CSMD3: variants seen among roughly 807,000 people sequenced by gnomAD.
CSMD3 encodes the protein CUB and sushi domain-containing protein 3.
In CSMD3, 177 loss-of-function variants were observed where a neutral mutation model predicts 435.2. That is an observed-to-expected ratio of 0.41 (90% CI 0.36 to 0.46). CSMD3 has a LOEUF of 0.46. Ranked by LOEUF, CSMD3 falls within the 20% of genes least tolerant of loss-of-function variation. CSMD3 has a pLI of 0.34. For synonymous variants in CSMD3, 1,656 were observed against 1,520.5 expected (o/e 1.09, Z -2.07); for missense variants, 4,265 against 4,504.6 (o/e 0.95, Z 1.52).
Position 112,947,774 on chromosome 8 carries a change from T to C in CSMD3, c.1508+16A>G, listed in dbSNP as rs764513156. 2.0e-6 allele frequency: 2 copies of C among 988,628 alleles called. No homozygotes were observed. Among genetic ancestry groups the C allele is most frequent in the South Asian group, 1.3e-5 (1 of 77,404 alleles). 61.2% of individuals were successfully genotyped at this position (988,628 alleles called of 1,614,324 possible). A position where few individuals can be genotyped will look rare whatever the true frequency, so the allele number is the denominator to read the frequency against. ...TTGACAAGATAAATAATGAAGTCAA[T>C]ATTTTAAAATATTACCTAAAATCTG... is the stretch of plus-strand genomic sequence containing the variant. On this transcript the variant is annotated intron_variant, in intron 9 of 70. Transcript: ENST00000297405.
chr8:113,060,976 A>G (rs181539051), intron 5 of CSMD3, among the ~76,000 whole-genome samples: 110 of 152,258 alleles, frequency 7.2e-4, no homozygotes, highest in Admixed American at 1.8e-3. Flanking sequence ...CTATACAATT[A>G]TCTTCTCAAT....
At chr8:112,411,741 T>A (rs956809280) in intron 32 of CSMD3, among the ~76,000 whole-genome samples, 3 of 152,076 alleles carry the variant, frequency 2.0e-5, no homozygotes, top group Non-Finnish European at 2.9e-5. Flanking sequence ...CCATTCTGTC[T>A]GTAAATGTCT....
chr8:112,817,543 T>G (rs1412947954), intron 12 of CSMD3, among the ~76,000 whole-genome samples: 3 of 152,108 alleles, frequency 2.0e-5, no homozygotes, highest in Non-Finnish European at 2.9e-5. Flanking sequence ...CATATTCTGA[T>G]CTCTATTGAC....
chr8:112,452,404 A>T (rs1816384152), intron 32 of CSMD3, among the ~76,000 whole-genome samples: 1 of 152,186 alleles, frequency 6.6e-6, no homozygotes, highest in South Asian at 2.1e-4. Flanking sequence ...TCTAGTTTAC[A>T]TTATTTCTGA....
At position 113,065,472 on chromosome 8, in the gene CSMD3, C is replaced by T. The variant is rs557977751; in HGVS notation, c.917+33284G>A. Among the ~76,000 whole-genome samples, 19 of 152,122 alleles carry T rather than the reference C, an allele frequency of 1.2e-4. No homozygotes were observed. In the South Asian group the frequency reaches 3.7e-3, roughly 30 times the overall value. On this transcript the variant is annotated intron_variant, in intron 5 of 70. Transcript: ENST00000297405. Reference sequence around the variant, plus strand: ...CGCGATCTCGGTTCACTGCCAGCTCCGCCTCCTGGGTTCACGCCATTCTCC... The same window carrying T: ...CGCGATCTCGGTTCACTGCCAGCTCTGCCTCCTGGGTTCACGCCATTCTCC...
At chr8:113,294,017 T>C (rs1437419128) in intron 2 of CSMD3, among the ~76,000 whole-genome samples, 1 of 152,002 alleles carries the variant, frequency 6.6e-6, no homozygotes, top group East Asian at 1.9e-4. Flanking sequence ...TATATCTAGG[T>C]AGTCTTAAAT....
intron 20 of CSMD3, 61 bp from the exon 21 acceptor site, chr8:112,638,972 T>C: frequency 8.6e-7 from 1 of 1,157,600 alleles, no homozygotes; most frequent in South Asian, 1.3e-5. Context: ...AGAGAGTTAC[T>C]GTCAAACTAA....
rs143895303 is a variant in CSMD3, at chr8:112,288,032, A to AAGAGAGAG, written c.9149-794_9149-787dup. 7.8e-3 allele frequency among the ~76,000 whole-genome samples: 1,168 copies of AAGAGAGAG among 149,696 alleles called. 11 individuals carry two copies. Among genetic ancestry groups the AAGAGAGAG allele is most frequent in the African/African-American group, 0.024 (987 of 40,876 alleles). On this transcript the variant is annotated intron_variant, in intron 57 of 70. Coordinates refer to ENST00000297405, the MANE Select transcript of CSMD3 (RefSeq NM_198123.2). ...AGAGAGAGTGAGCGAGCTAGAGAGA[A>AAGAGAGAG]AGAGAGAGAGAGAGAGAGAAGGGTT...
At chr8:112,695,267 T>G (rs1052526475) in intron 13 of CSMD3, among the ~76,000 whole-genome samples, 3 of 152,224 alleles carry the variant, frequency 2.0e-5, no homozygotes, top group Non-Finnish European at 4.4e-5. Flanking sequence ...TGTAACGTTA[T>G]AGAAACCTAA....
At chr8:112,491,184 G>A (rs1226235590) in intron 31 of CSMD3, among the ~76,000 whole-genome samples, 1 of 152,066 alleles carries the variant, frequency 6.6e-6, no homozygotes, top group African/African-American at 2.4e-5. Flanking sequence ...AAATTACTAT[G>A]TGTATTAGAT....
At chr8:112,541,627 A>G (rs1410413122) in intron 27 of CSMD3, among the ~76,000 whole-genome samples, 1 of 151,948 alleles carries the variant, frequency 6.6e-6, no homozygotes, top group Non-Finnish European at 1.5e-5. Flanking sequence ...CCCAACAAAG[A>G]AAAGCCCATG....
At chr8:113,367,156 C>T (rs911010664) in intron 1 of CSMD3, among the ~76,000 whole-genome samples, 12 of 151,502 alleles carry the variant, frequency 7.9e-5, no homozygotes, top group South Asian at 2.1e-4. Context: ...TGGATAATAC[C>T]TACTATTATA....
intron 1 of CSMD3, among the ~76,000 whole-genome samples, chr8:113,318,953 G>A (rs964356904): frequency 1.3e-5 from 2 of 151,758 alleles, no homozygotes; most frequent in Admixed American, 6.6e-5. Context: ...ATCTCTCAAC[G>A]TGTATCTAGG....
At chr8:112,461,990 G>A (rs1332650136) in intron 32 of CSMD3, among the ~76,000 whole-genome samples, 1 of 152,094 alleles carries the variant, frequency 6.6e-6, no homozygotes. Flanking sequence ...GAAGTCCCTT[G>A]GGGACAAAAG....
chr8:113,240,178 G>A (rs1030915111), intron 3 of CSMD3, among the ~76,000 whole-genome samples: 1 of 152,072 alleles, frequency 6.6e-6, no homozygotes, highest in East Asian at 1.9e-4. Flanking sequence ...CCTTTCAAAG[G>A]ACATGCTCTC....
At chr8:112,280,224 G>T (rs1429449614) in intron 59 of CSMD3, among the ~76,000 whole-genome samples, 1 of 152,042 alleles carries the variant, frequency 6.6e-6, no homozygotes. Context: ...TGCTACAGAG[G>T]CTTCAGCAAC....
At position 112,639,519 on chromosome 8, in the gene CSMD3, T is replaced by G. The variant is rs1286037386; in HGVS notation, c.3311-608A>C. Among the ~76,000 whole-genome samples the G allele has an allele frequency of 4.6e-5, 7 of 152,276 alleles. No individual in the cohort carries two copies. In the East Asian group the frequency reaches 9.6e-4, roughly 21 times the overall value. On this transcript the variant is annotated intron_variant, in intron 20 of 70. Transcript: ENST00000297405. The stretch of plus-strand genomic sequence containing the variant: ...AAATCGGACACCTTTGTAAATAGTA[T>G]CCAAATCAATAGCCACAATAATACC...
At chr8:113,436,240 CGT>C (rs1332991055) in intron 1 of CSMD3, among the ~76,000 whole-genome samples, 2 of 152,298 alleles carry the variant, frequency 1.3e-5, no homozygotes, top group African/African-American at 4.8e-5. Flanking sequence ...ATTCCTAGCA[CGT>C]CGATAACTTT....
At chr8:113,045,227 C>T (rs1237942102) in intron 5 of CSMD3, among the ~76,000 whole-genome samples, 1 of 149,170 alleles carries the variant, frequency 6.7e-6, no homozygotes, top group East Asian at 1.9e-4. Flanking sequence ...CAAGAACAAT[C>T]GCCTTGCAAT....
Sources: allele counts gnomAD v4.1 joint callset (sites outside exome capture counted in the v4.1 genomes callset), GRCh38; gene constraint gnomAD v4.1.1; transcripts MANE v1.5; gene names NCBI Gene and HGNC (gene_info 2026-07-23, HGNC 2026-07-21).